The following ADCY2 variants were observed in gnomAD, a reference collection of about 807,000 sequenced individuals.
The protein encoded by ADCY2 is adenylate cyclase type 2.
Under a neutral mutation model 125.2 loss-of-function variants are expected in ADCY2, and 31 were observed. The observed-to-expected ratio is 0.25, with a 90% CI of 0.19 to 0.33. ADCY2 has a LOEUF of 0.33. Among genes scored for constraint, ADCY2 ranks in the 10% least tolerant of loss-of-function variants. The pLI is 1.00. For synonymous variants in ADCY2, 512 were observed against 548.4 expected (o/e 0.93, Z 0.93); for missense variants, 904 against 1,418.2 (o/e 0.64, Z 5.82).
intron 14 of ADCY2, among the ~76,000 whole-genome samples, chr5:7,737,318 G>C (rs954541423): frequency 9.2e-5 from 14 of 152,220 alleles, no homozygotes; most frequent in African/African-American, 3.1e-4. Flanking sequence ...ACAGGATAGA[G>C]GTGTTGTTAG....
At chr5:7,471,920 C>A (rs1742354132) in intron 2 of ADCY2, among the ~76,000 whole-genome samples, 1 of 152,050 alleles carries the variant, frequency 6.6e-6, no homozygotes, top group African/African-American at 2.4e-5. Context: ...TTGTTCCTCC[C>A]TCTGTAATGT....
At chr5:7,678,425 T>A (rs1740205980) in intron 4 of ADCY2, among the ~76,000 whole-genome samples, 1 of 152,132 alleles carries the variant, frequency 6.6e-6, no homozygotes, top group Non-Finnish European at 1.5e-5. Flanking sequence ...AGAAACACAT[T>A]GGAAAGAATT....
chr5:7,817,025 G>GT (rs1464191750), intron 23 of ADCY2, 45 bp downstream of exon 23: 9 of 1,439,598 alleles, frequency 6.3e-6, no homozygotes, highest in Admixed American at 1.7e-5. Flanking sequence ...TGGCAAAGAT[G>GT]TGGAATAAGG....
rs1735280914 is a variant in ADCY2 at position 7,550,143 on chromosome 5, G to A, written c.570+29244G>A. The stretch of plus-strand genomic sequence containing the variant: ...GGCCCTCTCTAAAATTCTCTCTATT[G>A]AATTGAGTGGCTCACCTTTCACTCA... On this transcript the variant is annotated intron_variant, in intron 3 of 24. Coordinates refer to ENST00000338316, the MANE Select transcript of ADCY2 (RefSeq NM_020546.3). Among the ~76,000 whole-genome samples the A allele has an allele frequency of 3.3e-5, 5 of 152,192 alleles. No homozygotes were observed. The South Asian group carries it at 1.0e-3, about 32-fold the overall frequency.
At chr5:7,822,925 G>T (rs572077549) in intron 24 of ADCY2, among the ~76,000 whole-genome samples, 39 of 152,332 alleles carry the variant, frequency 2.6e-4, no homozygotes, top group Admixed American at 5.2e-4. Flanking sequence ...TCCCTATAGT[G>T]TGTGTCTCAG....
rs934200099 is a variant in ADCY2, at chr5:7,789,180, A to G, written c.2470-462A>G. On this transcript the variant is annotated intron_variant, in intron 19 of 24. Coordinates refer to ENST00000338316, the MANE Select transcript of ADCY2 (RefSeq NM_020546.3). ...TTTGCAATGATTACATAATTATACA[A>G]TTTGTGTTAGGGAAAAACTAATTTA... 3.3e-5 allele frequency among the ~76,000 whole-genome samples: 5 copies of G among 152,350 alleles called. 1 individual carries two copies. The highest frequency in any genetic ancestry group is 3.4e-3 in the Middle Eastern group (1 of 294).
chr5:7,419,003 T>C (rs1400221954), intron 2 of ADCY2, among the ~76,000 whole-genome samples: 1 of 152,076 alleles, frequency 6.6e-6, no homozygotes, highest in African/African-American at 2.4e-5. Flanking sequence ...TAATTAGCCA[T>C]TAGGAAGTGT....
intron 14 of ADCY2, among the ~76,000 whole-genome samples, chr5:7,731,489 C>A (rs975979397): frequency 1.3e-5 from 2 of 152,054 alleles, no homozygotes; most frequent in Non-Finnish European, 2.9e-5. Flanking sequence ...CTCCTGACCT[C>A]AAAGATCTGC....
At chr5:7,684,321 T>C (rs552829179) in intron 4 of ADCY2, among the ~76,000 whole-genome samples, 1 of 152,190 alleles carries the variant, frequency 6.6e-6, no homozygotes, top group South Asian at 2.1e-4. Context: ...CTGTGCCTAT[T>C]CCAGGGAGCA....
rs77016029 is a variant in ADCY2 at position 7,729,140 on chromosome 5, A to G, written c.1871+1879A>G. Among the ~76,000 whole-genome samples, 48 of 152,346 alleles carry G rather than the reference A, an allele frequency of 3.2e-4. 1 individual carries two copies. The East Asian group carries it at 8.5e-3, about 27-fold the overall frequency. On this transcript the variant is annotated intron_variant, in intron 14 of 24. Coordinates refer to ENST00000338316, the MANE Select transcript of ADCY2 (RefSeq NM_020546.3). ...GACCTGCACTTGCTGTAACAGCCTC[A>G]GGCTTCTTGTTCTGTGACTTCTTCA...
intron 10 of ADCY2, among the ~76,000 whole-genome samples, chr5:7,712,072 T>C (rs141713885): frequency 6.6e-6 from 1 of 152,336 alleles, no homozygotes; most frequent in Admixed American, 6.5e-5. Context: ...CTTTACTGTA[T>C]GGAATGAAAC....
chr5:7,433,756 A>G (rs1004801717), intron 2 of ADCY2, among the ~76,000 whole-genome samples: 1 of 152,184 alleles, frequency 6.6e-6, no homozygotes, highest in East Asian at 1.9e-4. Flanking sequence ...CAGAATGGAG[A>G]GCTCAGAAAG....
chr5:7,462,606 T>C (rs921227055), intron 2 of ADCY2, among the ~76,000 whole-genome samples: 22 of 152,240 alleles, frequency 1.4e-4, no homozygotes, highest in African/African-American at 4.8e-4. Flanking sequence ...TAATAGTAAC[T>C]GATGGCAGTT....
chr5:7,418,609 G>A (rs1579424424), intron 2 of ADCY2, among the ~76,000 whole-genome samples: 1 of 149,440 alleles, frequency 6.7e-6, no homozygotes, highest in Admixed American at 6.6e-5. Context: ...ATGGGAATGG[G>A]GGTTTAAAAT....
intron 2 of ADCY2, among the ~76,000 whole-genome samples, chr5:7,519,648 C>T (rs1414442515): frequency 2.0e-5 from 3 of 152,164 alleles, no homozygotes; most frequent in East Asian, 3.9e-4. Flanking sequence ...TGAGAGGTTT[C>T]GTGTTGATTG....
At chr5:7,418,948 C>A (rs1740078532) in intron 2 of ADCY2, among the ~76,000 whole-genome samples, 1 of 152,148 alleles carries the variant, frequency 6.6e-6, no homozygotes, top group African/African-American at 2.4e-5. Context: ...CCACTGCACC[C>A]AGCCCTGGTG....
At chr5:7,552,984 A>G (rs776451640) in intron 3 of ADCY2, among the ~76,000 whole-genome samples, 1 of 152,134 alleles carries the variant, frequency 6.6e-6, no homozygotes, top group Non-Finnish European at 1.5e-5. Flanking sequence ...CACTCAGGGG[A>G]CAGGTTAGCT....
At chr5:7,823,279 C>T (rs1745360570) in intron 24 of ADCY2, among the ~76,000 whole-genome samples, 1 of 152,146 alleles carries the variant, frequency 6.6e-6, no homozygotes, top group Admixed American at 6.6e-5. Flanking sequence ...ATATTCCAAC[C>T]AAATTGGCCA....
At chr5:7,803,333 G>C (rs1026739103) in intron 21 of ADCY2, among the ~76,000 whole-genome samples, 2 of 152,194 alleles carry the variant, frequency 1.3e-5, no homozygotes, top group African/African-American at 4.8e-5. Context: ...TAAATTATTA[G>C]ATATGTAATC....
Sources: allele counts gnomAD v4.1 joint callset (sites outside exome capture counted in the v4.1 genomes callset), GRCh38; gene constraint gnomAD v4.1.1; transcripts MANE v1.5; gene names NCBI Gene and HGNC (gene_info 2026-07-23, HGNC 2026-07-21).